Variants in CLCA4 observed in about 807,000 individuals in gnomAD.
CLCA4 encodes the protein chloride channel accessory 4.
Under a neutral mutation model 78.9 loss-of-function variants are expected in CLCA4, and 69 were observed. That is an observed-to-expected ratio of 0.87 (90% CI 0.72 to 1.07). The LOEUF is 1.07. Among genes scored for constraint, CLCA4 ranks in the 50% least tolerant of loss-of-function variants. The pLI is 0.00. For synonymous variants in CLCA4, 362 were observed against 375.8 expected (o/e 0.96, Z 0.42); for missense variants, 1,133 against 1,095.8 (o/e 1.03, Z -0.48).
chr1:86,557,362 C>T (rs188884718), intron 1 of CLCA4, among the ~76,000 whole-genome samples: 112 of 152,182 alleles, frequency 7.4e-4, no homozygotes, highest in African/African-American at 2.6e-3. Flanking sequence ...ATAAATTTCC[C>T]TCTTAAAACT....
intron 1 of CLCA4, among the ~76,000 whole-genome samples, chr1:86,550,162 T>TA (rs1649613409): frequency 2.0e-5 from 3 of 152,236 alleles, no homozygotes; most frequent in Non-Finnish European, 4.4e-5. Context: ...AACTAAGTTG[T>TA]AATCAAGTGA....
At chr1:86,568,234 A>T (rs1193845164) in intron 7 of CLCA4, among the ~76,000 whole-genome samples, 3 of 151,680 alleles carry the variant, frequency 2.0e-5, no homozygotes, top group Non-Finnish European at 4.4e-5. Flanking sequence ...TTAGTGACTT[A>T]CCTATACAAT....
At position 86,575,534 on chromosome 1, in the gene CLCA4, T is replaced by C; in HGVS notation, c.1886T>C (p.Val629Ala). 5 of 1,613,418 alleles carry C rather than the reference T, an allele frequency of 3.1e-6. No homozygotes were observed. Among genetic ancestry groups the C allele is most frequent in the Non-Finnish European group, 4.2e-6 (5 of 1,179,528 alleles). ...QGYVPVLGAN[V>A]TAFIESQNGH... ...TATGTACCTGTTCTTGGAGCCAATG[T>C]GACTGCTTTCATTGAATCACAGAAT... Residue 629 changes from valine (V) to alanine (A), a missense_variant, in exon 11 of 14, where the codon GTG becomes GCG. Physicochemically the swap from Val to Ala is moderately conservative, Grantham distance 64. Transcript: ENST00000370563.
chr1:86,565,736 G>A (rs896664083), intron 5 of CLCA4, 66 bp from the exon 6 acceptor site: 5 of 985,418 alleles, frequency 5.1e-6, no homozygotes, highest in Admixed American at 3.3e-5. Flanking sequence ...AAATTTTTCA[G>A]GTTTGTAGTT....
intron 12 of CLCA4, among the ~76,000 whole-genome samples, chr1:86,578,628 A>C (rs771857525): frequency 4.6e-5 from 7 of 152,074 alleles, no homozygotes; most frequent in Non-Finnish European, 1.0e-4. Context: ...CCTGCAAAAG[A>C]CATGATCTCA....
In CLCA4 at chr1:86,552,735, G is replaced by A; in HGVS notation, c.159+5457G>A. ...CCCTCGAGCCCTTCACAGGGGCCCG[G>A]CCCGGCACCCCCATCATGCCTGTCA... On this transcript the variant is annotated intron_variant, in intron 1 of 13. Coordinates refer to ENST00000370563, the MANE Select transcript of CLCA4 (RefSeq NM_012128.4). 1.4e-6 allele frequency: 2 copies of A among 1,436,854 alleles called. 1 individual carries two copies. Among genetic ancestry groups the A allele is most frequent in the South Asian group, 2.3e-5 (2 of 87,568 alleles). 89.0% of individuals were successfully genotyped at this position (1,436,854 alleles called of 1,614,324 possible).
chr1:86,547,746 A>G (rs1165989643), intron 1 of CLCA4, among the ~76,000 whole-genome samples: 1 of 152,098 alleles, frequency 6.6e-6, no homozygotes. Context: ...GGCTTATTTC[A>G]TTTAACATAA....
intron 1 of CLCA4, among the ~76,000 whole-genome samples, chr1:86,549,696 A>G (rs1013006381): frequency 2.6e-5 from 4 of 152,212 alleles, no homozygotes; most frequent in Non-Finnish European, 4.4e-5. Context: ...AAGGAAATAT[A>G]ATAAGAGTCA....
chr1:86,572,741 G>C, intron 9 of CLCA4, 21 bp downstream of exon 9: 1 of 1,356,418 alleles, frequency 7.4e-7, no homozygotes, highest in South Asian at 1.2e-5. Context: ...TCATTCCTTG[G>C]GTTTTCATGT....
intron 1 of CLCA4, among the ~76,000 whole-genome samples, chr1:86,548,684 GAAAAAAAAAA>G (rs10615856): frequency 1.1e-5 from 1 of 94,150 alleles, no homozygotes; most frequent in South Asian, 4.1e-4. Context: ...TCCCTCTCTG[GAAAAAAAAAA>G]AAAAAAAAAA....
chr1:86,549,217 A>C (rs1221725466), intron 1 of CLCA4, among the ~76,000 whole-genome samples: 1 of 152,190 alleles, frequency 6.6e-6, no homozygotes, highest in Non-Finnish European at 1.5e-5. Context: ...GGCCTCACTG[A>C]TGATGTGTCA....
chr1:86,575,792 C>T (rs1406391656), intron 11 of CLCA4, among the ~76,000 whole-genome samples, 193 bp downstream of exon 11: 1 of 151,998 alleles, frequency 6.6e-6, no homozygotes, highest in Non-Finnish European at 1.5e-5. Context: ...GTGGTAAGCA[C>T]TCAATCAATG....
In CLCA4 at chr1:86,579,552, G is replaced by C. The variant is rs1372264145; in HGVS notation, c.2321G>C (p.Trp774Ser). Residue 774 changes from tryptophan (W) to serine (S), a missense_variant, in exon 13 of 14, where the codon TGG becomes TCG. By Grantham distance (177) the Trp-to-Ser change is radical. Coordinates refer to ENST00000370563, the MANE Select transcript of CLCA4 (RefSeq NM_012128.4). The part of the protein sequence containing the change: ...TVHEDKIILT[W>S]TAPGDNFDVG... ...CATGAGGATAAGATTATTCTTACAT[G>C]GACAGCACCAGGAGATAATTTTGAT... is the stretch of plus-strand genomic sequence containing the variant. 1 of 1,612,678 alleles carries C rather than the reference G, an allele frequency of 6.2e-7. No homozygotes were observed. The highest frequency in any genetic ancestry group is 1.7e-5 in the Admixed American group (1 of 59,900).
At position 86,567,432 on chromosome 1, in the gene CLCA4, C is replaced by T. The variant is rs1650235150; in HGVS notation, c.963C>T (p.Asp321=). Residue 321 remains aspartate, a synonymous_variant, in exon 7 of 14, where the codon GAC becomes GAT. Coordinates refer to ENST00000370563, the MANE Select transcript of CLCA4 (RefSeq NM_012128.4). ...TTGTCTTTTTAATCTAGGGTAAGGA[C>T]CGCCTAAATCGAATGAATCAAGCAG... ...LDKSGSMGGK[D]RLNRMNQAAK... The T allele has an allele frequency of 6.2e-7, 1 of 1,610,048 alleles. No homozygotes were observed. The highest frequency in any genetic ancestry group is 1.3e-5 in the African/African-American group (1 of 74,714).
At chr1:86,572,981 A>G (rs1002928877) in intron 9 of CLCA4, 3 of 390,168 alleles carry the variant, frequency 7.7e-6, no homozygotes, top group Admixed American at 7.8e-5. Flanking sequence ...TTACAATGTT[A>G]TAATGTCAAA....
chr1:86,553,493 G>T (rs548097006), intron 1 of CLCA4, among the ~76,000 whole-genome samples: 1 of 152,150 alleles, frequency 6.6e-6, no homozygotes, highest in African/African-American at 2.4e-5. Flanking sequence ...GAGTCTGCCC[G>T]CTGGGTCCTC....
chr1:86,575,214 C>A, intron 10 of CLCA4, 118 bp from the exon 11 acceptor site: 2 of 901,978 alleles, frequency 2.2e-6, no homozygotes, highest in Non-Finnish European at 3.3e-6. Flanking sequence ...TTATCCTCAA[C>A]ATCCTTAAAA....
At position 86,565,315 on chromosome 1, in the gene CLCA4, G is replaced by A. The variant is rs1022867536; in HGVS notation, c.599G>A (p.Cys200Tyr). Residue 200 changes from cysteine (C) to tyrosine (Y), a missense_variant, in exon 5 of 14, where the codon TGT (cysteine) becomes TAT (tyrosine). Coordinates refer to ENST00000370563, the MANE Select transcript of CLCA4 (RefSeq NM_012128.4). ...GISGRNRVYKCQGGSCLSRAC... is the reference protein window; with the variant it reads ...GISGRNRVYKYQGGSCLSRAC... ...TCTGGTAGAAATAGAGTTTATAAGT[G>A]TCAAGGAGGCAGCTGTCTTAGTAGA... is the stretch of plus-strand genomic sequence containing the variant. The A allele has an allele frequency of 6.2e-6, 10 of 1,609,336 alleles. No individual in the cohort carries two copies. Among genetic ancestry groups the A allele is most frequent in the Non-Finnish European group, 8.5e-6 (10 of 1,177,730 alleles).
At chr1:86,573,255 T>C (rs1356077255) in intron 9 of CLCA4, among the ~76,000 whole-genome samples, 1 of 151,948 alleles carries the variant, frequency 6.6e-6, no homozygotes, top group Non-Finnish European at 1.5e-5. Context: ...CGGTGGCTTT[T>C]TTTTTATTCA....
Sources: allele counts gnomAD v4.1 joint callset (sites outside exome capture counted in the v4.1 genomes callset), GRCh38; gene constraint gnomAD v4.1.1; transcripts MANE v1.5; gene names NCBI Gene and HGNC (gene_info 2026-07-23, HGNC 2026-07-21).